ADCK1: variants seen among roughly 807,000 people sequenced by gnomAD.
ADCK1 encodes the protein aarF domain containing kinase 1.
A neutral mutation model predicts 52.3 loss-of-function variants in ADCK1; 41 were observed. The ratio of observed to expected loss-of-function variants is 0.78; its 90% confidence interval spans 0.61 to 1.02. ADCK1 has a LOEUF of 1.02. Ranked by LOEUF, ADCK1 falls within the 50% of genes least tolerant of loss-of-function variation. The pLI, the probability that ADCK1 is intolerant of heterozygous loss-of-function variation, is 0.00. For missense variants in ADCK1, 658 were observed against 679.5 expected, an observed-to-expected ratio of 0.97 and a Z score of 0.35; for synonymous variants, 250 against 274.6, an observed-to-expected ratio of 0.91 and a Z score of 0.89.
intron 5 of ADCK1, among the ~76,000 whole-genome samples, chr14:77,898,671 G>A (rs2083463752): frequency 6.6e-6 from 1 of 152,260 alleles, no homozygotes; most frequent in South Asian, 2.1e-4. Flanking sequence ...GAGAGCATTA[G>A]GAAAAAGAGC....
chr14:77,926,729 A>G (rs1425724350), intron 9 of ADCK1, among the ~76,000 whole-genome samples: 3 of 152,020 alleles, frequency 2.0e-5, no homozygotes, highest in Non-Finnish European at 4.4e-5. Context: ...TTTGTAGCTC[A>G]TTTCTCTATT....
At chr14:77,921,345 A>G (rs1427235964) in intron 7 of ADCK1, among the ~76,000 whole-genome samples, 12 of 148,156 alleles carry the variant, frequency 8.1e-5, no homozygotes, top group South Asian at 2.1e-4. Flanking sequence ...AAAAAAAAAA[A>G]AAAGAAAAAA....
chr14:77,874,137 G>A (rs2082847241), intron 4 of ADCK1, among the ~76,000 whole-genome samples: 1 of 152,170 alleles, frequency 6.6e-6, no homozygotes, highest in African/African-American at 2.4e-5. Context: ...TTTCCACAGT[G>A]GTACAAATGG....
At position 77,873,241 on chromosome 14, in the gene ADCK1, G is replaced by T. The variant is rs114863803; in HGVS notation, c.424-13850G>T. The stretch of plus-strand genomic sequence containing the variant: ...TTATGTTCACTGTTAAAACAATAAT[G>T]TTTAATCTGGAAAGGGCTAATCAAG... On this transcript the variant is annotated intron_variant, in intron 4 of 10. Transcript: ENST00000238561. Among the ~76,000 whole-genome samples the T allele has an allele frequency of 7.7e-3, 1,168 of 152,322 alleles. 18 individuals are homozygous for T. Among genetic ancestry groups the T allele is most frequent in the African/African-American group, 0.027 (1,104 of 41,580 alleles).
At chr14:77,917,158 G>A (rs1388461437) in intron 7 of ADCK1, among the ~76,000 whole-genome samples, 3 of 152,200 alleles carry the variant, frequency 2.0e-5, no homozygotes, top group Non-Finnish European at 2.9e-5. Flanking sequence ...CCAGGTGTTC[G>A]AGGCTGCAGT....
At chr14:77,874,091 C>T (rs1283157693) in intron 4 of ADCK1, among the ~76,000 whole-genome samples, 1 of 152,188 alleles carries the variant, frequency 6.6e-6, no homozygotes, top group Non-Finnish European at 1.5e-5. Flanking sequence ...CTAGACTGCC[C>T]CCCATCCCCG....
At chr14:77,897,912 A>C (rs1555357218) in intron 5 of ADCK1, among the ~76,000 whole-genome samples, 1 of 152,158 alleles carries the variant, frequency 6.6e-6, no homozygotes, top group African/African-American at 2.4e-5. Flanking sequence ...TGGAATTCCC[A>C]GGGGGAATTC....
chr14:77,815,458 T>C lies in ADCK1; in HGVS notation c.-11-3510T>C, dbSNP rs1385107012. On this transcript the variant is annotated intron_variant, in intron 1 of 10. Coordinates refer to ENST00000238561, the MANE Select transcript of ADCK1 (RefSeq NM_020421.4). ...CTCCTAGGCCCAAACAGTCCTCCCA[T>C]TGTGGCCTCCGGAAGTGCTGGGATT... Among the ~76,000 whole-genome samples the C allele has an allele frequency of 3.3e-5, 5 of 151,812 alleles. No homozygotes were observed. The South Asian group carries it at 8.3e-4, about 25-fold the overall frequency.
chr14:77,917,475 A>G (rs2140279022), intron 7 of ADCK1, among the ~76,000 whole-genome samples: 1 of 152,336 alleles, frequency 6.6e-6, no homozygotes, highest in Admixed American at 6.5e-5. Context: ...GAATAAATTA[A>G]TCCATGTAAT....
chr14:77,847,181 A>T (rs190142955), intron 3 of ADCK1, among the ~76,000 whole-genome samples: 2 of 152,246 alleles, frequency 1.3e-5, no homozygotes, highest in East Asian at 3.9e-4. Flanking sequence ...GAGAGAGCTG[A>T]TAACTGTGGT....
At chr14:77,885,247 A>G (rs561473253) in intron 4 of ADCK1, among the ~76,000 whole-genome samples, 1 of 152,338 alleles carries the variant, frequency 6.6e-6, no homozygotes, top group African/African-American at 2.4e-5. Context: ...GGTGGATGAC[A>G]AGGGAAGAAT....
intron 3 of ADCK1, among the ~76,000 whole-genome samples, chr14:77,829,725 A>G (rs2081799709): frequency 6.6e-6 from 1 of 151,370 alleles, no homozygotes; most frequent in Non-Finnish European, 1.5e-5. Flanking sequence ...TATCTACAAT[A>G]TATTTCCTTA....
chr14:77,815,182 T>C (rs1335125030), intron 1 of ADCK1, among the ~76,000 whole-genome samples: 1 of 147,768 alleles, frequency 6.8e-6, no homozygotes. Context: ...AAAAAATGTT[T>C]TAAAATTTTG....
chr14:77,914,350 G>A (rs965192157), intron 7 of ADCK1: 18 of 951,816 alleles, frequency 1.9e-5, no homozygotes, highest in African/African-American at 8.9e-5. Context: ...AGTAGAGTCC[G>A]TGGCCTGGGT....
chr14:77,916,031 T>C (rs2083916689), intron 7 of ADCK1, among the ~76,000 whole-genome samples: 1 of 152,198 alleles, frequency 6.6e-6, no homozygotes, highest in Admixed American at 6.5e-5. Flanking sequence ...CATGTGGTGC[T>C]CGTAGTACAT....
In ADCK1 at chr14:77,821,891, G is replaced by A. The variant is rs369637174; in HGVS notation, c.136-544G>A. 6.6e-3 allele frequency among the ~76,000 whole-genome samples: 723 copies of A among 109,498 alleles called. 1 individual carries two copies. Among genetic ancestry groups the A allele is most frequent in the Non-Finnish European group, 7.4e-3 (431 of 58,320 alleles). 71.8% of individuals were successfully genotyped at this position (109,498 alleles called of 152,430 possible). A position where few individuals can be genotyped will look rare whatever the true frequency, so the allele number is the denominator to read the frequency against. On this transcript the variant is annotated intron_variant, in intron 2 of 10. Coordinates refer to ENST00000238561, the MANE Select transcript of ADCK1 (RefSeq NM_020421.4). ...AGTGACAGAGCAAGACTCTGTCTCAGAAAAAAAAAAAAAAAAAAGACTTAT... is the reference window on the plus strand; with the variant it reads ...AGTGACAGAGCAAGACTCTGTCTCAAAAAAAAAAAAAAAAAAAAGACTTAT...
intron 7 of ADCK1, among the ~76,000 whole-genome samples, chr14:77,921,357 A>AAAAAAAAAAAAAAAC (rs2084055256): frequency 6.8e-6 from 1 of 147,550 alleles, no homozygotes; most frequent in Non-Finnish European, 1.5e-5. Context: ...AAGAAAAAAA[A>AAAAAAAAAAAAAAAC]GTTAAGCTAC....
At chr14:77,904,729 G>A (rs1201526391) in intron 6 of ADCK1, among the ~76,000 whole-genome samples, 3 of 152,298 alleles carry the variant, frequency 2.0e-5, no homozygotes, top group African/African-American at 7.2e-5. Context: ...GTGGCAAAGA[G>A]GTAGAACCTG....
At chr14:77,808,700 C>T (rs143738413) in intron 1 of ADCK1, among the ~76,000 whole-genome samples, 2,156 of 152,196 alleles carry the variant, frequency 0.014, 55 homozygotes, top group African/African-American at 0.049. Flanking sequence ...CTAAGCCTCC[C>T]GAGTAGCTGG....
Sources: allele counts gnomAD v4.1 joint callset (sites outside exome capture counted in the v4.1 genomes callset), GRCh38; gene constraint gnomAD v4.1.1; transcripts MANE v1.5; gene names NCBI Gene and HGNC (gene_info 2026-07-23, HGNC 2026-07-21).